NRXN2: variants seen among roughly 807,000 people sequenced by gnomAD.
NRXN2 encodes neurexin-2-beta.
Under a neutral mutation model 128.8 loss-of-function variants are expected in NRXN2, and 29 were observed. The ratio of observed to expected loss-of-function variants is 0.23; its 90% CI spans 0.17 to 0.31. The LOEUF is 0.31. Ranked by LOEUF, NRXN2 falls within the 10% of genes least tolerant of loss-of-function variation. The pLI is 1.00. For missense variants in NRXN2, 1,881 were observed against 2,452.6 expected (o/e 0.77, Z 4.92); for synonymous variants, 1,098 against 1,075.2 (o/e 1.02, Z -0.41).
chr11:64,664,423 A>G (rs2049481026), intron 9 of NRXN2, among the ~76,000 whole-genome samples: 2 of 150,358 alleles, frequency 1.3e-5, no homozygotes, highest in African/African-American at 2.5e-5. Flanking sequence ...GGTTGCAGTG[A>G]GCCGAGATTG....
At chr11:64,626,399 C>T (rs2043072725) in intron 20 of NRXN2, 64 bp downstream of exon 20, 4 of 1,324,076 alleles carry the variant, frequency 3.0e-6, no homozygotes, top group Admixed American at 1.8e-5. Context: ...AAAGAGAGAG[C>T]TCTGCACCTT....
In NRXN2 at chr11:64,607,168, G is replaced by C. The variant is rs1443115625; in HGVS notation, c.*28C>G. ...CTCCCGGGCCCTCCCAGGAGGGGCAGCTGGCAGTGGGGCGCAGTGCCGGGG... is the reference window on the plus strand; with the variant it reads ...CTCCCGGGCCCTCCCAGGAGGGGCACCTGGCAGTGGGGCGCAGTGCCGGGG... On this transcript the variant is annotated 3_prime_UTR_variant, in exon 23 of 23. Coordinates refer to ENST00000265459, the MANE Select transcript of NRXN2 (RefSeq NM_015080.4). 6.2e-7 allele frequency: 1 copy of C among 1,605,162 alleles called. No individual in the cohort carries two copies. The highest frequency in any genetic ancestry group is 8.5e-7 in the Non-Finnish European group (1 of 1,174,156).
chr11:64,722,041 A>G lies in NRXN2; in HGVS notation c.-245+930T>C, dbSNP rs368507317. Among the ~76,000 whole-genome samples the G allele has an allele frequency of 1.4e-4, 22 of 152,110 alleles. No homozygotes were observed. The East Asian group carries it at 1.9e-3, about 13-fold the overall frequency. Reference sequence around the variant, plus strand: ...CACCCCAAAGCCAATTGTGCCCCAAAAGCCCATCAAGGGTTCAAGGGCTCA... The same window carrying G: ...CACCCCAAAGCCAATTGTGCCCCAAGAGCCCATCAAGGGTTCAAGGGCTCA... On this transcript the variant is annotated intron_variant, in intron 1 of 22. Coordinates refer to ENST00000265459, the MANE Select transcript of NRXN2 (RefSeq NM_015080.4).
chr11:64,699,100 A>G (rs2054936316), intron 2 of NRXN2, among the ~76,000 whole-genome samples: 1 of 152,226 alleles, frequency 6.6e-6, no homozygotes, highest in South Asian at 2.1e-4. Flanking sequence ...ATAGAGAGGT[A>G]GCTATACTCT....
At chr11:64,615,454 G>A (rs1380539397) in intron 22 of NRXN2, among the ~76,000 whole-genome samples, 1 of 152,266 alleles carries the variant, frequency 6.6e-6, no homozygotes, top group African/African-American at 2.4e-5. Context: ...CGGCAAATGT[G>A]TCTGTGACTC....
chr11:64,693,433 A>T (rs929885158), intron 3 of NRXN2, among the ~76,000 whole-genome samples: 1 of 151,668 alleles, frequency 6.6e-6, no homozygotes, highest in African/African-American at 2.4e-5. Context: ...AGAGAGAGAG[A>T]GTGTCCTGTT....
intron 22 of NRXN2, among the ~76,000 whole-genome samples, chr11:64,610,967 C>T (rs1196220794): frequency 4.6e-5 from 7 of 152,198 alleles, no homozygotes; most frequent in African/African-American, 1.7e-4. Flanking sequence ...GGCCAAACAC[C>T]TCCTCTTCCA....
intron 5 of NRXN2, among the ~76,000 whole-genome samples, chr11:64,686,289 C>T (rs72927012): frequency 0.23 from 34,678 of 151,986 alleles, 4,227 homozygotes; most frequent in East Asian, 0.48. Context: ...ATCGGCCACT[C>T]CCCTTAACAA....
intron 11 of NRXN2, 57 bp from the exon 12 acceptor site, chr11:64,653,779 T>A: frequency 1.8e-6 from 2 of 1,106,970 alleles, no homozygotes; most frequent in Non-Finnish European, 2.5e-6. Flanking sequence ...TAAAACAAGT[T>A]TTTTTTTTTT....
intron 17 of NRXN2, among the ~76,000 whole-genome samples, chr11:64,644,958 G>A (rs1431908385): frequency 6.6e-6 from 1 of 152,184 alleles, no homozygotes; most frequent in East Asian, 1.9e-4. Context: ...CAATGCTGCT[G>A]CCAGTCCTCC....
At chr11:64,646,037 G>T (rs1195516136) in intron 17 of NRXN2, among the ~76,000 whole-genome samples, 1 of 152,124 alleles carries the variant, frequency 6.6e-6, no homozygotes, top group Non-Finnish European at 1.5e-5. Flanking sequence ...TAGGAAGGAG[G>T]AGTAGCCCTG....
At position 64,667,703 on chromosome 11, in the gene NRXN2, G is replaced by C. The variant is rs1013171650; in HGVS notation, c.1360-15C>G. The C allele has an allele frequency of 1.9e-6, 3 of 1,613,138 alleles. No individual in the cohort carries two copies. The African/African-American group carries it at 4.0e-5, about 22-fold the overall frequency. ...TTATAGACCACCTGCAGGGAGGGGT[G>C]GGGTCAGGGATAAAGAATCCGAAAG... On this transcript the variant is annotated splice_polypyrimidine_tract_variant and intron_variant, in intron 8 of 22. Transcript: ENST00000265459. This position sits in a 1 kb window ranked among gnomAD's most constrained non-coding sequence, Gnocchi z 5.6.
At position 64,648,117 on chromosome 11, in the gene NRXN2, G is replaced by C. The variant is rs1247528859; in HGVS notation, c.3403+102C>G. The C allele has an allele frequency of 4.0e-6, 6 of 1,515,090 alleles. No homozygotes were observed. The highest frequency in any genetic ancestry group is 4.6e-6 in the Non-Finnish European group (5 of 1,096,996). The allele number at this position is 1,515,090 out of a possible 1,614,324, so 93.9% of individuals were successfully genotyped here. A position where few individuals can be genotyped will look rare whatever the true frequency, so the allele number is the denominator to read the frequency against. On this transcript the variant is annotated intron_variant, in intron 17 of 22. Transcript: ENST00000265459. This position sits in a 1 kb window ranked among gnomAD's most constrained non-coding sequence, Gnocchi z 4.1. ...GGGATGAGAAGGAAGAAGCAGCACA[G>C]CTCCTGAATGCTCAGAGGCCCTGTT...
chr11:64,612,907 AC>A (rs2040890865), intron 22 of NRXN2, among the ~76,000 whole-genome samples: 1 of 152,064 alleles, frequency 6.6e-6, no homozygotes. Context: ...TATTGGAAAA[AC>A]CATTCTCTCC....
Position 64,651,399 on chromosome 11 carries a change from C to A in NRXN2, c.2774G>T (p.Arg925Leu). Residue 925 changes from arginine to leucine, a missense_variant, in exon 14 of 23, where the codon CGC becomes CTC. Arg to Leu is a moderately radical substitution (Grantham distance 102). Transcript: ENST00000265459. This position sits in a 1 kb window ranked among gnomAD's most constrained non-coding sequence, Gnocchi z 5.9. ...CGTGGCGAGTGCCAGGTAGCTGCTG[C>A]GACTCTTGAAGGTGACGGGATCGGC... is the stretch of plus-strand genomic sequence containing the variant. ...IVADPVTFKS[R>L]SSYLALATLQ... 1 of 1,614,166 alleles carries A rather than the reference C, an allele frequency of 6.2e-7. No homozygotes were observed. Among genetic ancestry groups the A allele is most frequent in the Non-Finnish European group, 8.5e-7 (1 of 1,180,030 alleles).
chr11:64,713,791 C>T lies in NRXN2; in HGVS notation c.-92G>A, dbSNP rs1344873990. The T allele has an allele frequency of 6.8e-6, 5 of 736,662 alleles. No homozygotes were observed. The highest frequency in any genetic ancestry group is 8.4e-6 in the Non-Finnish European group (5 of 598,534). 45.6% of individuals were successfully genotyped at this position (736,662 alleles called of 1,614,324 possible). On this transcript the variant is annotated 5_prime_UTR_variant, in exon 2 of 23. Coordinates refer to ENST00000265459, the MANE Select transcript of NRXN2 (RefSeq NM_015080.4). ...GGGGCGGGAGGGGGCCGGGCGCTCC[C>T]CGCGCTGAGCGGGGCTCCCTTGCAG...
rs201160187 is a variant in NRXN2, at chr11:64,625,667, AATGGG to A, written c.3847+791_3847+795del. ...GAGCTCGCCCCGCCTCCCCAAAGGG[AATGGG>A]ATGGATATGTCCTTAGTCCCCAGCT... On this transcript the variant is annotated intron_variant, in intron 20 of 22. Transcript: ENST00000265459. 6.3e-3 allele frequency among the ~76,000 whole-genome samples: 966 copies of A among 152,280 alleles called. 6 individuals are homozygous for A. The highest frequency in any genetic ancestry group is 8.0e-3 in the Non-Finnish European group (544 of 68,006).
intron 17 of NRXN2, among the ~76,000 whole-genome samples, chr11:64,640,855 T>C (rs756664493): frequency 4.6e-5 from 7 of 151,472 alleles, no homozygotes; most frequent in Non-Finnish European, 8.8e-5. Context: ...AGGGGCAGGA[T>C]TGGGAAGCAA....
chr11:64,608,485 C>CT (rs869164431), intron 22 of NRXN2, among the ~76,000 whole-genome samples: 37 of 126,952 alleles, frequency 2.9e-4, no homozygotes, highest in African/African-American at 1.1e-3. Context: ...AGATTTTTCT[C>CT]TTTTTTTGCT....
Sources: gnomAD v4.1 joint callset for allele counts (sites outside exome capture counted in the v4.1 genomes callset) on GRCh38, gnomAD v4.1.1 for gene constraint, Gnocchi (gnomAD v3.1) non-coding constraint, MANE v1.5 for transcripts, NCBI Gene and HGNC (gene_info 2026-07-23, HGNC 2026-07-21) for gene names.